The following LUZP2 variants were observed in gnomAD, a reference collection of about 807,000 sequenced individuals.
The protein encoded by LUZP2 is leucine zipper protein 2.
Under a neutral mutation model 51.6 loss-of-function variants are expected in LUZP2, and 52 were observed. That is an observed-to-expected ratio of 1.01 (90% CI 0.81 to 1.27). LUZP2 has a LOEUF of 1.27. Among genes scored for constraint, LUZP2 ranks in the 50% most tolerant of loss-of-function variants. LUZP2 has a pLI of 0.00. For synonymous variants in LUZP2, 154 were observed against 137.3 expected (o/e 1.12, Z -0.85); for missense variants, 436 against 395.4 (o/e 1.10, Z -0.87).
chr11:24,948,943 A>G (rs1854988797), intron 7 of LUZP2, among the ~76,000 whole-genome samples: 1 of 151,572 alleles, frequency 6.6e-6, no homozygotes, highest in African/African-American at 2.4e-5. Context: ...TAGAAAATAT[A>G]TGTTTACAGA....
intron 1 of LUZP2, among the ~76,000 whole-genome samples, chr11:24,588,849 T>C (rs1018883607): frequency 6.8e-6 from 1 of 146,360 alleles, no homozygotes; most frequent in Non-Finnish European, 1.5e-5. Context: ...TCTCAATAAT[T>C]TTTTTTTAAA....
At chr11:24,637,099 A>G (rs1855131016) in intron 1 of LUZP2, among the ~76,000 whole-genome samples, 1 of 151,942 alleles carries the variant, frequency 6.6e-6, no homozygotes, top group East Asian at 1.9e-4. Context: ...AATCTTAAAA[A>G]TCTATAAAAC....
At chr11:24,668,305 A>G (rs761657187) in intron 1 of LUZP2, among the ~76,000 whole-genome samples, 1 of 152,204 alleles carries the variant, frequency 6.6e-6, no homozygotes, top group Non-Finnish European at 1.5e-5. Context: ...CGAAGATTCC[A>G]GGGTAAATGT....
chr11:24,513,297 C>G (rs1850368257), intron 1 of LUZP2, among the ~76,000 whole-genome samples: 1 of 152,118 alleles, frequency 6.6e-6, no homozygotes, highest in Admixed American at 6.6e-5. Flanking sequence ...AAGACTTGAT[C>G]ATATCTTAGC....
At chr11:24,529,866 A>G (rs1307215793) in intron 1 of LUZP2, among the ~76,000 whole-genome samples, 1 of 150,946 alleles carries the variant, frequency 6.6e-6, no homozygotes, top group East Asian at 1.9e-4. Context: ...ATAATTAACA[A>G]TATTTGATCT....
intron 1 of LUZP2, among the ~76,000 whole-genome samples, chr11:24,556,763 C>A (rs549429109): frequency 3.9e-5 from 6 of 152,216 alleles, no homozygotes; most frequent in Admixed American, 1.3e-4. Flanking sequence ...TTTTCCAAAG[C>A]CCAGAAGGGT....
intron 2 of LUZP2, among the ~76,000 whole-genome samples, chr11:24,730,407 C>CAA: frequency 6.8e-6 from 1 of 147,396 alleles, no homozygotes; most frequent in South Asian, 2.2e-4. Flanking sequence ...GAAACGAGAG[C>CAA]AAAAAAAAAA....
At chr11:24,507,096 A>G (rs1015652797) in intron 1 of LUZP2, among the ~76,000 whole-genome samples, 2 of 152,100 alleles carry the variant, frequency 1.3e-5, no homozygotes, top group South Asian at 2.1e-4. Flanking sequence ...TTGCCAGGTA[A>G]TACATGTTCT....
At chr11:24,679,684 C>T (rs917898297) in intron 1 of LUZP2, among the ~76,000 whole-genome samples, 6 of 152,044 alleles carry the variant, frequency 3.9e-5, no homozygotes, top group African/African-American at 1.4e-4. Context: ...AATTTGTCCC[C>T]TACCTTTAAG....
chr11:24,648,007 G>T (rs1470759145), intron 1 of LUZP2, among the ~76,000 whole-genome samples: 1 of 151,738 alleles, frequency 6.6e-6, no homozygotes, highest in Non-Finnish European at 1.5e-5. Context: ...TCTTACCTTT[G>T]AACTTTCTTT....
At chr11:24,965,052 G>T (rs1855541283) in intron 7 of LUZP2, among the ~76,000 whole-genome samples, 1 of 151,418 alleles carries the variant, frequency 6.6e-6, no homozygotes, top group Admixed American at 6.6e-5. Flanking sequence ...CAGTAAAGTA[G>T]CTGAGAAGTC....
At chr11:24,630,335 G>T (rs1854835424) in intron 1 of LUZP2, among the ~76,000 whole-genome samples, 1 of 151,928 alleles carries the variant, frequency 6.6e-6, no homozygotes, top group South Asian at 2.1e-4. Context: ...ACTTCCATTT[G>T]TCTTTAATTC....
At chr11:24,692,511 A>G (rs1046447204) in intron 1 of LUZP2, among the ~76,000 whole-genome samples, 2 of 152,102 alleles carry the variant, frequency 1.3e-5, no homozygotes, top group Non-Finnish European at 2.9e-5. Context: ...CACTGTAAAA[A>G]GAAAAAGTGG....
intron 9 of LUZP2, among the ~76,000 whole-genome samples, chr11:25,026,872 TA>T (rs1012305023): frequency 4.7e-5 from 6 of 127,902 alleles, no homozygotes; most frequent in Admixed American, 8.2e-5. Context: ...TTTTAATTAT[TA>T]TTTTTTTTCT....
intron 1 of LUZP2, among the ~76,000 whole-genome samples, chr11:24,519,477 A>G (rs1313320641): frequency 6.6e-6 from 1 of 152,196 alleles, no homozygotes; most frequent in Non-Finnish European, 1.5e-5. Flanking sequence ...AGTCAATTAA[A>G]CAATTGAAGA....
intron 7 of LUZP2, among the ~76,000 whole-genome samples, chr11:24,966,766 A>G (rs1220065530): frequency 6.8e-6 from 1 of 147,718 alleles, no homozygotes; most frequent in Non-Finnish European, 1.5e-5. Context: ...TTTTATATAT[A>G]TAGTGGATAT....
chr11:24,532,981 G>C (rs958822756), intron 1 of LUZP2, among the ~76,000 whole-genome samples: 1 of 151,190 alleles, frequency 6.6e-6, no homozygotes, highest in Middle Eastern at 3.4e-3. Flanking sequence ...TTTCCTGAGG[G>C]CTACATCTTC....
At chr11:25,013,019 CCAAA>C (rs1857027592) in intron 9 of LUZP2, among the ~76,000 whole-genome samples, 1 of 151,842 alleles carries the variant, frequency 6.6e-6, no homozygotes, top group Non-Finnish European at 1.5e-5. Flanking sequence ...CTAGGTATAC[CCAAA>C]TGGAATACTC....
chr11:25,077,991 C>T (rs953490966), intron 11 of LUZP2, among the ~76,000 whole-genome samples: 11 of 152,102 alleles, frequency 7.2e-5, no homozygotes, highest in Non-Finnish European at 1.3e-4. Context: ...TTCCACCCTC[C>T]CTCTCACAGA....
Sources: allele counts gnomAD v4.1 joint callset (sites outside exome capture counted in the v4.1 genomes callset), GRCh38; gene constraint gnomAD v4.1.1; transcripts MANE v1.5; gene names NCBI Gene and HGNC (gene_info 2026-07-23, HGNC 2026-07-21).